GLDC: variants seen among roughly 807,000 people sequenced by gnomAD.
The protein encoded by GLDC is glycine dehydrogenase (decarboxylating), mitochondrial.
GLDC carries 104 observed loss-of-function variants against 121.3 expected under a neutral mutation model. The ratio of observed to expected loss-of-function variants is 0.86; its 90% confidence interval spans 0.73 to 1.01. The LOEUF is 1.01. Ranked by LOEUF, GLDC falls within the 50% of genes least tolerant of loss-of-function variation. The probability of loss-of-function intolerance (pLI) is 0.00; values close to 1 mark genes in which losing one functional copy is unlikely to be tolerated. For missense variants in GLDC, 1,429 were observed against 1,306.6 expected (o/e 1.09, Z -1.44); for synonymous variants, 546 against 480.6 (o/e 1.14, Z -1.78).
chr9:6,556,218 C>T lies in GLDC; in HGVS notation c.2137G>A (p.Val713Met), dbSNP rs912659426. 1.5e-5 allele frequency: 24 copies of T among 1,612,244 alleles called. No individual in the cohort carries two copies. Among genetic ancestry groups the T allele is most frequent in the African/African-American group, 9.3e-5 (7 of 74,880 alleles). ...CCATGTTGATGGATGAGGTCACACA[C>T]GTCACTGATGTTCTCTTCAAACACC... ...NGVFEENISD[V>M]CDLIHQHGGQ... The change falls in exon 18 of 25, where the codon GTG (valine) becomes ATG (methionine). Residue 713 changes from valine to methionine, a missense_variant. By Grantham distance (21) the Val-to-Met change is conservative. Transcript: ENST00000321612.
At chr9:6,593,204 A>G in intron 9 of GLDC, 1 of 546,474 alleles carries the variant, frequency 1.8e-6, no homozygotes, top group South Asian at 2.1e-5. Context: ...ATCAACATAC[A>G]ATTGCATTAC....
At chr9:6,565,601 A>C (rs562005673) in intron 15 of GLDC, 172 bp from the exon 16 acceptor site, 77 of 682,922 alleles carry the variant, frequency 1.1e-4, no homozygotes, top group Admixed American at 4.4e-4. Flanking sequence ...GGTCTTGAAC[A>C]ATCAAAACAA....
At position 6,644,683 on chromosome 9, in the gene GLDC, C is replaced by T. The variant is rs772554461; in HGVS notation, c.265G>A (p.Glu89Lys). 6.2e-7 allele frequency: 1 copy of T among 1,611,174 alleles called. No homozygotes were observed. The highest frequency in any genetic ancestry group is 1.3e-5 in the African/African-American group (1 of 74,864). Residue 89 changes from glutamate to lysine, a missense_variant, in exon 2 of 25, where the codon GAA becomes AAA. Glu to Lys is a moderately conservative substitution (Grantham distance 56). Coordinates refer to ENST00000321612, the MANE Select transcript of GLDC (RefSeq NM_000170.3). ...GCAGGGACCGTCTTCTCGATCAATT[C>T]ATCAATGCTCTAAAATTAAAACGCA... Reference protein sequence around the residue: ...LQTLGLASIDELIEKTVPANI... With the variant: ...LQTLGLASIDKLIEKTVPANI...
chr9:6,620,458 A>T (rs1819068688), intron 2 of GLDC, 139 bp from the exon 3 acceptor site: 1 of 743,904 alleles, frequency 1.3e-6, no homozygotes, highest in Non-Finnish European at 2.3e-6. Context: ...CATCCAACCA[A>T]CACTAAGTAC....
intron 22 of GLDC, 128 bp from the exon 23 acceptor site, chr9:6,536,364 A>G (rs1334879528): frequency 1.2e-6 from 1 of 827,810 alleles, no homozygotes; most frequent in East Asian, 2.7e-5. Context: ...AAATGTATGT[A>G]TGTGGGGACT....
rs540315265 is a variant in GLDC at position 6,605,131 on chromosome 9, C to A, written c.861G>T (p.Gly287=). 1 of 1,612,256 alleles carries A rather than the reference C, an allele frequency of 6.2e-7. No homozygotes were observed. Among genetic ancestry groups the A allele is most frequent in the Non-Finnish European group, 8.5e-7 (1 of 1,179,850 alleles). Residue 287 remains glycine, a splice_region_variant and synonymous_variant, in exon 6 of 25, where the codon GGG becomes GGT. Coordinates refer to ENST00000321612, the MANE Select transcript of GLDC (RefSeq NM_000170.3). ...TELVERAHQS[G]SLACCATDLL... Reference sequence around the variant, plus strand: ...CCCCCCACAAGAAAGGTATACCTACCCCACTCTGATGAGCTCTCTCCACGA... The same window carrying A: ...CCCCCCACAAGAAAGGTATACCTACACCACTCTGATGAGCTCTCTCCACGA...
chr9:6,607,591 A>C (rs1009691675), intron 4 of GLDC, among the ~76,000 whole-genome samples: 12 of 152,114 alleles, frequency 7.9e-5, no homozygotes, highest in African/African-American at 2.4e-4. Flanking sequence ...TAAATAAATA[A>C]ATACATACAT....
intron 2 of GLDC, among the ~76,000 whole-genome samples, chr9:6,628,453 CA>C (rs894142847): frequency 1.3e-5 from 2 of 152,060 alleles, no homozygotes; most frequent in African/African-American, 2.4e-5. Flanking sequence ...TGAAACTAAC[CA>C]GGGGGGAAAG....
chr9:6,587,906 A>C (rs1204844190), intron 14 of GLDC, among the ~76,000 whole-genome samples: 3 of 151,406 alleles, frequency 2.0e-5, no homozygotes, highest in African/African-American at 7.3e-5. Context: ...TGAAAGAAAG[A>C]AAAAAAAAGC....
intron 15 of GLDC, among the ~76,000 whole-genome samples, chr9:6,576,549 C>G (rs1818069174): frequency 6.6e-6 from 1 of 152,142 alleles, no homozygotes; most frequent in African/African-American, 2.4e-5. Context: ...TCACTGCAAC[C>G]TCTGCCTCCC....
intron 7 of GLDC, 68 bp from the exon 8 acceptor site, chr9:6,602,273 T>C (rs1818630716): frequency 6.2e-6 from 6 of 965,594 alleles, no homozygotes; most frequent in Non-Finnish European, 8.3e-6. Context: ...ATAAATAGAA[T>C]TACTTCTTTC....
intron 16 of GLDC, among the ~76,000 whole-genome samples, chr9:6,560,976 G>C (rs1020083481): frequency 6.6e-6 from 1 of 152,202 alleles, no homozygotes; most frequent in Admixed American, 6.5e-5. Context: ...GACTGAAGCA[G>C]GAAGCTCGAG....
intron 7 of GLDC, among the ~76,000 whole-genome samples, chr9:6,603,887 G>A (rs1181094298): frequency 2.0e-5 from 3 of 151,322 alleles, no homozygotes; most frequent in South Asian, 2.1e-4. Context: ...CCACCACCAC[G>A]CCCACCTAAT....
At chr9:6,630,483 G>C (rs1029372625) in intron 2 of GLDC, among the ~76,000 whole-genome samples, 9 of 151,988 alleles carry the variant, frequency 5.9e-5, no homozygotes, top group Non-Finnish European at 1.0e-4. Flanking sequence ...CATGTGCTTG[G>C]CAAGACACTA....
intron 16 of GLDC, among the ~76,000 whole-genome samples, chr9:6,559,676 G>A (rs1817710391): frequency 2.6e-5 from 4 of 151,894 alleles, no homozygotes; most frequent in Non-Finnish European, 2.9e-5. Flanking sequence ...TTAGCCAGGT[G>A]TGGTGACGCA....
At chr9:6,640,476 C>T (rs918471530) in intron 2 of GLDC, among the ~76,000 whole-genome samples, 2 of 152,218 alleles carry the variant, frequency 1.3e-5, no homozygotes, top group East Asian at 3.8e-4. Flanking sequence ...ACAAAGCCAA[C>T]ACCTGCAGCT....
chr9:6,602,156 G>A lies in GLDC; in HGVS notation c.1108C>T (p.Gln370Ter), dbSNP rs570097430. Residue 370 changes from glutamine (Q) to a stop codon, truncating the protein, a stop_gained, in exon 8 of 25, where the codon CAA (glutamine) becomes TAA (stop). Transcript: ENST00000321612. LOFTEE classifies it high-confidence loss of function. The stretch of plus-strand genomic sequence containing the variant: ...GTAGCCTTGTCTCTCCGAATGTGTT[G>A]CTCCCTGGTTTGAAGAGCAAGACGA... ...VYRLALQTRE[Q>*]HIRRDKATSN... is the part of the protein sequence containing the mutation. 7 of 1,613,404 alleles carry A rather than the reference G, an allele frequency of 4.3e-6. No homozygotes were observed. The highest frequency in any genetic ancestry group is 5.9e-6 in the Non-Finnish European group (7 of 1,179,410).
chr9:6,556,045 G>C lies in GLDC; in HGVS notation c.2202+108C>G. On this transcript the variant is annotated intron_variant, in intron 18 of 24. Coordinates refer to ENST00000321612, the MANE Select transcript of GLDC (RefSeq NM_000170.3). ...ACAACCACCAGTGGTCAGGTCGTGG[G>C]TCTGAGTTCCCTCAGGCAGGAAGCC... 5.7e-6 allele frequency: 5 copies of C among 875,184 alleles called. No individual in the cohort carries two copies. In the South Asian group the frequency reaches 5.9e-5, roughly 10 times the overall value. The allele number at this position is 875,184 out of a possible 1,614,324, so 54.2% of individuals were successfully genotyped here. A position where few individuals can be genotyped will look rare whatever the true frequency, so the allele number is the denominator to read the frequency against.
intron 2 of GLDC, among the ~76,000 whole-genome samples, chr9:6,628,528 G>C (rs746643624): frequency 6.6e-6 from 1 of 152,218 alleles, no homozygotes; most frequent in African/African-American, 2.4e-5. Flanking sequence ...AGTGGCTCAC[G>C]CCTGTTAATC....
Sources: gnomAD v4.1 joint callset for allele counts (sites outside exome capture counted in the v4.1 genomes callset) on GRCh38, gnomAD v4.1.1 for gene constraint, MANE v1.5 for transcripts, NCBI Gene and HGNC (gene_info 2026-07-23, HGNC 2026-07-21) for gene names.